TYW1B: variants seen among roughly 807,000 people sequenced by gnomAD.
TYW1B encodes the protein tRNA-yW synthesizing protein 1 homolog B, also known as S-adenosyl-L-methionine-dependent tRNA 4-demethylwyosine synthase TYW1B.
In TYW1B, 73 loss-of-function variants were observed where a neutral mutation model predicts 86.9. The ratio of observed to expected loss-of-function variants is 0.84; its 90% CI spans 0.70 to 1.02. The LOEUF (loss-of-function observed/expected upper bound fraction) is 1.02, where lower values mean the gene tolerates loss of function less well. Ranked by LOEUF, TYW1B falls within the 50% of genes least tolerant of loss-of-function variation. The pLI is 0.00. For synonymous variants in TYW1B, 248 were observed against 292.8 expected (o/e 0.85, Z 1.56); for missense variants, 637 against 827.4 (o/e 0.77, Z 2.82).
rs561585819 is a variant in TYW1B at position 72,807,801 on chromosome 7, T to C, written c.433-445A>G. ...TCGTAATTTCCTAAACTCAGTAATT[T>C]ATTTCACTGTGATATGAAGCAATTA... On this transcript the variant is annotated intron_variant, in intron 4 of 13. Coordinates refer to ENST00000620995, the MANE Select transcript of TYW1B (RefSeq NM_001145440.3). Among the ~76,000 whole-genome samples, 211 of 152,318 alleles carry C rather than the reference T, an allele frequency of 1.4e-3. 1 individual carries two copies. Among genetic ancestry groups the C allele is most frequent in the Non-Finnish European group, 2.3e-3 (158 of 68,032 alleles).
chr7:72,714,591 C>A (rs1786742415), intron 9 of TYW1B, among the ~76,000 whole-genome samples: 1 of 151,932 alleles, frequency 6.6e-6, no homozygotes. Flanking sequence ...CCACTGCACT[C>A]CAGCCTGGAT....
intron 11 of TYW1B, among the ~76,000 whole-genome samples, chr7:72,646,478 C>G (rs1221640129): frequency 2.6e-5 from 4 of 151,912 alleles, no homozygotes; most frequent in South Asian, 4.2e-4. Context: ...CTCAAGTGAT[C>G]CTCCTGCCTC....
Position 72,816,437 on chromosome 7 carries a change from A to C in TYW1B, c.136-956T>G, listed in dbSNP as rs191240903. Among the ~76,000 whole-genome samples the C allele has an allele frequency of 6.9e-3, 1,052 of 152,328 alleles. 14 individuals carry two copies. The highest frequency in any genetic ancestry group is 0.025 in the African/African-American group (1,026 of 41,566). On this transcript the variant is annotated intron_variant, in intron 2 of 13. Coordinates refer to ENST00000620995, the MANE Select transcript of TYW1B (RefSeq NM_001145440.3). The stretch of plus-strand genomic sequence containing the variant: ...TGAAAAGAATGGGAAACATGAAAAG[A>C]AGACGGTTGACAGACAGGAAAAAGC...
chr7:72,816,275 C>G (rs2129572828), intron 2 of TYW1B, among the ~76,000 whole-genome samples: 1 of 152,150 alleles, frequency 6.6e-6, no homozygotes, highest in African/African-American at 2.4e-5. Flanking sequence ...ACTCGGGAGG[C>G]TGAGGCAGGA....
At chr7:72,739,221 T>A (rs1449377703) in intron 8 of TYW1B, among the ~76,000 whole-genome samples, 1 of 152,158 alleles carries the variant, frequency 6.6e-6, no homozygotes, top group Non-Finnish European at 1.5e-5. Context: ...AATATGATTA[T>A]CCATATGATG....
intron 13 of TYW1B, among the ~76,000 whole-genome samples, chr7:72,609,488 G>A (rs186892070): frequency 1.1e-4 from 16 of 152,242 alleles, no homozygotes; most frequent in Admixed American, 5.2e-4. Context: ...GAGCCTGGGA[G>A]GTAGAGGTTG....
intron 10 of TYW1B, among the ~76,000 whole-genome samples, chr7:72,709,069 A>T (rs553330325): frequency 6.6e-6 from 1 of 152,348 alleles, no homozygotes; most frequent in Non-Finnish European, 1.5e-5. Context: ...TTTCAGAAAA[A>T]GGTAAGATGA....
chr7:72,630,538 C>A (rs1585861315), intron 11 of TYW1B, among the ~76,000 whole-genome samples: 2 of 150,834 alleles, frequency 1.3e-5, no homozygotes, highest in Non-Finnish European at 3.0e-5. Flanking sequence ...AAGGGATGCA[C>A]AAAATGATAC....
chr7:72,652,377 GAAAAA>G (rs1169791430), intron 11 of TYW1B, among the ~76,000 whole-genome samples: 15 of 31,298 alleles, frequency 4.8e-4, no homozygotes, highest in East Asian at 1.4e-3. Flanking sequence ...GACTCTGTCT[GAAAAA>G]AAAAAAAAAA....
At chr7:72,722,311 CT>C in intron 9 of TYW1B, among the ~76,000 whole-genome samples, 1 of 152,258 alleles carries the variant, frequency 6.6e-6, no homozygotes, top group East Asian at 1.9e-4. Flanking sequence ...TAAATGAGGT[CT>C]TTTTCATCTT....
intron 11 of TYW1B, among the ~76,000 whole-genome samples, chr7:72,689,739 G>A (rs1346725848): frequency 2.6e-5 from 4 of 152,188 alleles, no homozygotes; most frequent in African/African-American, 9.7e-5. Flanking sequence ...GGATTAAGTA[G>A]AAGTACTTCA....
intron 8 of TYW1B, among the ~76,000 whole-genome samples, chr7:72,735,925 T>C (rs1787190494): frequency 6.6e-6 from 1 of 152,150 alleles, no homozygotes; most frequent in Non-Finnish European, 1.5e-5. Flanking sequence ...TTATAAATCA[T>C]TGGCTTTTGC....
chr7:72,751,497 CTT>C (rs538699113), intron 7 of TYW1B, among the ~76,000 whole-genome samples: 60 of 152,176 alleles, frequency 3.9e-4, no homozygotes, highest in African/African-American at 1.1e-3. Flanking sequence ...AAAATTCCCT[CTT>C]GTTTCTTTTA....
chr7:72,720,386 C>CAA (rs1333492923), intron 9 of TYW1B, among the ~76,000 whole-genome samples: 10 of 152,126 alleles, frequency 6.6e-5, no homozygotes, highest in African/African-American at 2.4e-4. Flanking sequence ...AACCTAGAAG[C>CAA]AAAGACACCA....
intron 11 of TYW1B, among the ~76,000 whole-genome samples, chr7:72,654,056 G>A (rs1813140469): frequency 6.6e-6 from 1 of 150,542 alleles, no homozygotes; most frequent in Non-Finnish European, 1.5e-5. Flanking sequence ...CTCCAGCCTG[G>A]GCGACAGAGC....
chr7:72,800,162 T>C (rs1259359493), intron 6 of TYW1B, among the ~76,000 whole-genome samples: 1 of 152,140 alleles, frequency 6.6e-6, no homozygotes, highest in Non-Finnish European at 1.5e-5. Flanking sequence ...ATTTGGAAAT[T>C]ATTCTGACAT....
rs1344493466 is a variant in TYW1B at position 72,811,963 on chromosome 7, A to C, written c.238-1298T>G. Among the ~76,000 whole-genome samples, 4 of 151,338 alleles carry C rather than the reference A, an allele frequency of 2.6e-5. No individual in the cohort carries two copies. In the East Asian group the frequency reaches 7.7e-4, roughly 29 times the overall value. The stretch of plus-strand genomic sequence containing the variant: ...AAAAGAAAAGAAAAAATACAGAGAG[A>C]TCTCTAAAAAATTATCTAATAAATT... On this transcript the variant is annotated intron_variant, in intron 3 of 13. Transcript: ENST00000620995.
chr7:72,799,147 C>T (rs377624898), intron 6 of TYW1B, among the ~76,000 whole-genome samples: 2 of 130,842 alleles, frequency 1.5e-5, no homozygotes, highest in Admixed American at 8.7e-5. Context: ...CTGACCGGGT[C>T]TGCCTTTTTT....
intron 7 of TYW1B, among the ~76,000 whole-genome samples, chr7:72,753,758 C>T (rs1408462164): frequency 2.6e-5 from 4 of 151,966 alleles, no homozygotes; most frequent in Non-Finnish European, 4.4e-5. Context: ...AGATTACAGG[C>T]GTGAGCCACT....
Sources: gnomAD v4.1 joint callset for allele counts (sites outside exome capture counted in the v4.1 genomes callset) on GRCh38, gnomAD v4.1.1 for gene constraint, MANE v1.5 for transcripts, NCBI Gene and HGNC (gene_info 2026-07-23, HGNC 2026-07-21) for gene names.